The following MYO1B variants were observed in gnomAD, a reference collection of about 807,000 sequenced individuals.
MYO1B encodes the protein myosin IB, also known as unconventional myosin-Ib.
In MYO1B, 72 loss-of-function variants were observed where a neutral mutation model predicts 159.7. That is an observed-to-expected ratio of 0.45 (90% CI 0.37 to 0.55). MYO1B has a LOEUF of 0.55. MYO1B is among the 20% of genes least tolerant of loss of function. The pLI is 0.00. For missense variants in MYO1B, 1,062 were observed against 1,364.8 expected, an observed-to-expected ratio of 0.78 and a Z score of 3.50; for synonymous variants, 468 against 473.8, an observed-to-expected ratio of 0.99 and a Z score of 0.16.
rs1252837755 is a variant in MYO1B at position 191,247,957 on chromosome 2, T to TA, written c.-10+2332dup. 11 of 985,296 alleles carry TA rather than the reference T, an allele frequency of 1.1e-5. No individual in the cohort carries two copies. The African/African-American group carries it at 1.9e-4, about 17-fold the overall frequency. The allele number at this position is 985,296 out of a possible 1,614,324, so 61.0% of individuals were successfully genotyped here. ...TAACTTACCCTGATTGCTGCACAGTTATGCAAAGCAAGGAGGAACGTCTGA... is the reference window on the plus strand; with the variant it reads ...TAACTTACCCTGATTGCTGCACAGTTAATGCAAAGCAAGGAGGAACGTCTGA... On this transcript the variant is annotated intron_variant, in intron 1 of 30. Coordinates refer to ENST00000392318, the MANE Select transcript of MYO1B (RefSeq NM_001130158.3).
chr2:191,298,037 A>C (rs1364950861), intron 3 of MYO1B, among the ~76,000 whole-genome samples: 1 of 152,230 alleles, frequency 6.6e-6, no homozygotes, highest in Non-Finnish European at 1.5e-5. Flanking sequence ...TGTATGATTA[A>C]AGATTGGCTT....
chr2:191,284,889 C>T (rs1010177588), intron 2 of MYO1B, among the ~76,000 whole-genome samples: 2 of 152,130 alleles, frequency 1.3e-5, no homozygotes, highest in African/African-American at 4.8e-5. Context: ...CAGCCTCGGC[C>T]TCCGAAAGTG....
At chr2:191,358,931 G>A (rs1693480639) in intron 7 of MYO1B, among the ~76,000 whole-genome samples, 1 of 152,232 alleles carries the variant, frequency 6.6e-6, no homozygotes, top group African/African-American at 2.4e-5. Context: ...TAGTGCGTTA[G>A]CAGTAGATGA....
At chr2:191,412,650 G>A (rs1258591074) in intron 27 of MYO1B, among the ~76,000 whole-genome samples, 2 of 152,150 alleles carry the variant, frequency 1.3e-5, no homozygotes, top group South Asian at 2.1e-4. Context: ...CACAACATAA[G>A]CATTTAAATT....
intron 7 of MYO1B, among the ~76,000 whole-genome samples, chr2:191,351,929 A>G (rs1692952233): frequency 6.6e-6 from 1 of 152,178 alleles, no homozygotes; most frequent in African/African-American, 2.4e-5. Context: ...TAGTTTGCCC[A>G]CCTACACACT....
chr2:191,385,746 T>C, intron 15 of MYO1B, 138 bp from the exon 16 acceptor site: 1 of 889,752 alleles, frequency 1.1e-6, no homozygotes. Flanking sequence ...TGTTATTGTT[T>C]TGAGTCTCTG....
intron 24 of MYO1B, among the ~76,000 whole-genome samples, chr2:191,404,439 C>T (rs1005198862): frequency 4.0e-4 from 61 of 152,148 alleles, no homozygotes; most frequent in Non-Finnish European, 8.8e-5. Context: ...GTCTGCTTTC[C>T]TATACTATTA....
chr2:191,274,752 G>A lies in MYO1B; in HGVS notation c.-9-2135G>A, dbSNP rs1352392287. On this transcript the variant is annotated intron_variant, in intron 1 of 30. Transcript: ENST00000392318. ...TGTGGACTCTGGCTCTGGCTTCACC[G>A]TCTCTGTGGCTCCTGCTGCATTTCC... Among the ~76,000 whole-genome samples the A allele has an allele frequency of 7.2e-5, 11 of 152,188 alleles. No individual in the cohort carries two copies. In the East Asian group the frequency reaches 9.7e-4, roughly 13 times the overall value.
At chr2:191,326,895 T>C (rs1419644385) in intron 3 of MYO1B, among the ~76,000 whole-genome samples, 1 of 152,084 alleles carries the variant, frequency 6.6e-6, no homozygotes, top group Non-Finnish European at 1.5e-5. Flanking sequence ...TGCAAAGTTG[T>C]AGCCCTAGGA....
chr2:191,369,799 T>G (rs1183285443), intron 12 of MYO1B, among the ~76,000 whole-genome samples, 171 bp downstream of exon 12: 4 of 152,250 alleles, frequency 2.6e-5, no homozygotes, highest in Admixed American at 2.6e-4. Context: ...GGATTTTGTT[T>G]ATTTTGTTTT....
chr2:191,293,266 G>T (rs932223173), intron 2 of MYO1B, among the ~76,000 whole-genome samples: 1 of 152,198 alleles, frequency 6.6e-6, no homozygotes, highest in Non-Finnish European at 1.5e-5. Context: ...ATTTCAAATG[G>T]GAAGTGCATG....
chr2:191,411,476 G>A (rs1182076091), intron 27 of MYO1B, among the ~76,000 whole-genome samples: 3 of 152,128 alleles, frequency 2.0e-5, no homozygotes, highest in African/African-American at 7.2e-5. Context: ...CGTTTGCATT[G>A]TAAATTCCTG....
intron 1 of MYO1B, among the ~76,000 whole-genome samples, chr2:191,274,210 A>G (rs1471542528): frequency 6.6e-6 from 1 of 152,154 alleles, no homozygotes; most frequent in East Asian, 1.9e-4. Flanking sequence ...GCTTTATTGT[A>G]TTTTGGTTTG....
In MYO1B at chr2:191,376,133, G is replaced by A. The variant is rs180902015; in HGVS notation, c.1186-5329G>A. 1.2e-4 allele frequency among the ~76,000 whole-genome samples: 19 copies of A among 152,156 alleles called. No homozygotes were observed. In the East Asian group the frequency reaches 2.9e-3, roughly 23 times the overall value. On this transcript the variant is annotated intron_variant, in intron 13 of 30. Coordinates refer to ENST00000392318, the MANE Select transcript of MYO1B (RefSeq NM_001130158.3). ...ATTTTAAAATGTTTAAGAAGAGCAC[G>A]ATAACATTGTTTTTCTTAAAATTTG... is the stretch of plus-strand genomic sequence containing the variant.
At chr2:191,315,493 T>A (rs1235488903) in intron 3 of MYO1B, among the ~76,000 whole-genome samples, 1 of 152,194 alleles carries the variant, frequency 6.6e-6, no homozygotes, top group Non-Finnish European at 1.5e-5. Flanking sequence ...GAGACCCCAG[T>A]GAAAGTTAAT....
intron 4 of MYO1B, among the ~76,000 whole-genome samples, chr2:191,336,569 G>T (rs1446675392): frequency 2.0e-5 from 3 of 152,122 alleles, no homozygotes; most frequent in African/African-American, 7.2e-5. Flanking sequence ...ATCACCAGTT[G>T]TGACTTCCCT....
chr2:191,307,455 C>A (rs1689717075), intron 3 of MYO1B, among the ~76,000 whole-genome samples: 1 of 152,144 alleles, frequency 6.6e-6, no homozygotes, highest in Non-Finnish European at 1.5e-5. Flanking sequence ...GTCTTTATAA[C>A]CTGTATCTTG....
chr2:191,400,693 G>A, intron 22 of MYO1B, 56 bp from the exon 23 acceptor site: 4 of 1,580,354 alleles, frequency 2.5e-6, no homozygotes, highest in South Asian at 2.3e-5. Flanking sequence ...TTGAAAACCA[G>A]CAGTAACCTT....
chr2:191,348,284 C>T (rs115347460), intron 6 of MYO1B, among the ~76,000 whole-genome samples: 6 of 152,270 alleles, frequency 3.9e-5, no homozygotes, highest in East Asian at 1.9e-4. Flanking sequence ...CATGATGTTA[C>T]GCCTACTTCA....
Sources: gnomAD v4.1 joint callset for allele counts (sites outside exome capture counted in the v4.1 genomes callset) on GRCh38, gnomAD v4.1.1 for gene constraint, MANE v1.5 for transcripts, NCBI Gene and HGNC (gene_info 2026-07-23, HGNC 2026-07-21) for gene names.